Variants in DACH2 observed in about 807,000 individuals in gnomAD.
DACH2 encodes the protein dachshund family transcription factor 2, also known as dachshund homolog 2.
In DACH2, 17 loss-of-function variants were observed where a neutral mutation model predicts 35.8. The observed-to-expected ratio is 0.48, with a 90% CI of 0.33 to 0.71. DACH2 has a LOEUF of 0.71. Among genes scored for constraint, DACH2 ranks in the 30% least tolerant of loss-of-function variants. DACH2 has a pLI of 0.02. For missense variants in DACH2, 469 were observed against 472.7 expected, an observed-to-expected ratio of 0.99 and a Z score of 0.07; for synonymous variants, 195 against 177.3, an observed-to-expected ratio of 1.10 and a Z score of -0.79.
At chrX:86,817,464 G>A (rs906950480) in intron 11 of DACH2, among the ~76,000 whole-genome samples, 1 of 111,341 alleles carries the variant, frequency 9.0e-6, no homozygotes, top group Non-Finnish European at 1.9e-5. Context: ...TTCTGAATCA[G>A]TGACATGCAA....
chrX:86,202,499 G>A (rs1372514758), intron 1 of DACH2, among the ~76,000 whole-genome samples: 1 of 111,588 alleles, frequency 9.0e-6, no homozygotes, highest in Non-Finnish European at 1.9e-5. Context: ...AGAAAGTACA[G>A]ATGTGTAAAA....
chrX:86,515,075 G>T (rs1350072159), intron 3 of DACH2, among the ~76,000 whole-genome samples: 1 of 111,135 alleles, frequency 9.0e-6, no homozygotes, highest in Non-Finnish European at 1.9e-5. Flanking sequence ...TTACATCATA[G>T]AAAATGAATT....
chrX:86,200,115 G>C (rs2032109464), intron 1 of DACH2, among the ~76,000 whole-genome samples: 1 of 110,674 alleles, frequency 9.0e-6, no homozygotes, highest in Non-Finnish European at 1.9e-5. Flanking sequence ...CAATGGAACA[G>C]GATAAAGAGC....
intron 2 of DACH2, among the ~76,000 whole-genome samples, chrX:86,483,980 A>G (rs1291268690): frequency 1.8e-5 from 2 of 111,728 alleles, no homozygotes; most frequent in Admixed American, 1.9e-4. Context: ...TGAGTGTCAT[A>G]TATGTATGTA....
At chrX:86,190,869 G>T (rs1316434975) in intron 1 of DACH2, among the ~76,000 whole-genome samples, 1 of 111,509 alleles carries the variant, frequency 9.0e-6, no homozygotes, top group South Asian at 3.8e-4. Context: ...ACTTGAACCC[G>T]GGAGGTGGAG....
intron 6 of DACH2, among the ~76,000 whole-genome samples, chrX:86,719,774 C>G (rs1401754870): frequency 9.1e-6 from 1 of 109,999 alleles, no homozygotes; most frequent in Non-Finnish European, 1.9e-5. Flanking sequence ...TTTTCCTTGA[C>G]ATGTGGGGAT....
chrX:86,489,947 A>C (rs1452524498), intron 2 of DACH2, among the ~76,000 whole-genome samples: 2 of 112,011 alleles, frequency 1.8e-5, no homozygotes, highest in Non-Finnish European at 3.8e-5. Flanking sequence ...GTTACTAGAA[A>C]ATAGCGTCTT....
Position 86,553,336 on chromosome X carries a change from T to A in DACH2, c.640+38945T>A, listed in dbSNP as rs183854241. 1.4e-4 allele frequency among the ~76,000 whole-genome samples: 16 copies of A among 111,670 alleles called. No homozygotes were observed. In the East Asian group the frequency reaches 4.6e-3, roughly 32 times the overall value. ...ACTCAGCAAGTCTGCTTCTTCCACC[T>A]TCTTCTGCCTTCTTTATTCTAGCCA... is the stretch of plus-strand genomic sequence containing the variant. On this transcript the variant is annotated intron_variant, in intron 3 of 11. Transcript: ENST00000373125.
chrX:86,203,487 C>T (rs1457935335), intron 1 of DACH2, among the ~76,000 whole-genome samples: 7 of 110,503 alleles, frequency 6.3e-5, no homozygotes, highest in Non-Finnish European at 1.1e-4. Flanking sequence ...TTTTTTACAT[C>T]GACATATAAA....
rs778020196 is a variant in DACH2 at position 86,732,809 on chromosome X, G to A, written c.1105-6938G>A. Among the ~76,000 whole-genome samples, 11 of 111,748 alleles carry A rather than the reference G, an allele frequency of 9.8e-5. No homozygotes were observed. In the East Asian group the frequency reaches 3.1e-3, roughly 32 times the overall value. The stretch of plus-strand genomic sequence containing the variant: ...ATAGTAATAAGTAGAAAACAATATT[G>A]TGGCCAAAAGCTAGCATGAGATATA... On this transcript the variant is annotated intron_variant, in intron 6 of 11. Coordinates refer to ENST00000373125, the MANE Select transcript of DACH2 (RefSeq NM_053281.3).
In DACH2 at chrX:86,343,734, T is replaced by C. The variant is rs182537188; in HGVS notation, c.489-33090T>C. ...AGGGTGTATCCCAAGGATTAGCAATTAAAAATGTATATAAAATTATTTGTA... is the reference window on the plus strand; with the variant it reads ...AGGGTGTATCCCAAGGATTAGCAATCAAAAATGTATATAAAATTATTTGTA... On this transcript the variant is annotated intron_variant, in intron 1 of 11. Coordinates refer to ENST00000373125, the MANE Select transcript of DACH2 (RefSeq NM_053281.3). Among the ~76,000 whole-genome samples the C allele has an allele frequency of 3.8e-3, 422 of 111,767 alleles. 2 individuals are homozygous for C. Among genetic ancestry groups the C allele is most frequent in the African/African-American group, 0.013 (403 of 30,879 alleles).
chrX:86,609,422 G>C (rs369738044), intron 3 of DACH2, among the ~76,000 whole-genome samples: 4 of 111,910 alleles, frequency 3.6e-5, no homozygotes, highest in African/African-American at 1.3e-4. Flanking sequence ...TGAATTCTCT[G>C]TCAGAAAGTT....
At chrX:86,331,504 G>A (rs920650060) in intron 1 of DACH2, among the ~76,000 whole-genome samples, 3 of 111,083 alleles carry the variant, frequency 2.7e-5, no homozygotes. Flanking sequence ...ACAGAAGTAA[G>A]CCTGTCTGAA....
intron 7 of DACH2, among the ~76,000 whole-genome samples, chrX:86,802,173 T>A (rs909539378): frequency 1.8e-5 from 2 of 111,768 alleles, no homozygotes; most frequent in East Asian, 5.6e-4. Flanking sequence ...TTTTTTGAAT[T>A]GTCATTCCCA....
In DACH2 at chrX:86,673,269, G is replaced by A. The variant is rs774288596; in HGVS notation, c.773-21752G>A. On this transcript the variant is annotated intron_variant, in intron 4 of 11. Transcript: ENST00000373125. Reference sequence around the variant, plus strand: ...GGAGAATGGTGTGAACCTGGGAGGCGGAGCTTGCAGTGAGCCAAGATCATG... The same window carrying A: ...GGAGAATGGTGTGAACCTGGGAGGCAGAGCTTGCAGTGAGCCAAGATCATG... Among the ~76,000 whole-genome samples the A allele has an allele frequency of 2.1e-3, 220 of 103,761 alleles. 1 individual carries two copies. Among genetic ancestry groups the A allele is most frequent in the African/African-American group, 7.7e-3 (215 of 28,048 alleles). 90.1% of individuals were successfully genotyped at this position (103,761 alleles called of 115,157 possible).
chrX:86,811,110 T>G (rs12013108), intron 7 of DACH2, among the ~76,000 whole-genome samples: 5,631 of 112,171 alleles, frequency 0.05, 377 homozygotes, highest in African/African-American at 0.17. Context: ...CAAATGCTCT[T>G]TTTAATATTT....
intron 1 of DACH2, among the ~76,000 whole-genome samples, chrX:86,277,344 CAGTT>C (rs752036367): frequency 9.9e-5 from 11 of 111,458 alleles, no homozygotes; most frequent in South Asian, 7.5e-4. Flanking sequence ...GGCATATACT[CAGTT>C]GGTGCAAACG....
intron 2 of DACH2, among the ~76,000 whole-genome samples, chrX:86,489,405 CAAAT>C (rs1375492617): frequency 9.1e-6 from 1 of 110,448 alleles, no homozygotes; most frequent in Admixed American, 9.7e-5. Flanking sequence ...TTATGATAAA[CAAAT>C]AACAATATCA....
At chrX:86,373,562 T>C (rs1421956544) in intron 1 of DACH2, among the ~76,000 whole-genome samples, 1 of 110,920 alleles carries the variant, frequency 9.0e-6, no homozygotes, top group Non-Finnish European at 1.9e-5. Context: ...GTAGCTGTCA[T>C]TCAGGTCGGT....
Sources: gnomAD v4.1 joint callset for allele counts (sites outside exome capture counted in the v4.1 genomes callset) on GRCh38, gnomAD v4.1.1 for gene constraint, MANE v1.5 for transcripts, NCBI Gene and HGNC (gene_info 2026-07-23, HGNC 2026-07-21) for gene names.